Variants in COQ8B observed in about 807,000 individuals in gnomAD.
COQ8B encodes atypical kinase COQ8B, mitochondrial.
A neutral mutation model predicts 62.0 loss-of-function variants in COQ8B; 44 were observed. That is an observed-to-expected ratio of 0.71 (90% CI 0.56 to 0.91). COQ8B has a LOEUF of 0.91. Ranked by LOEUF, COQ8B falls within the 40% of genes least tolerant of loss-of-function variation. COQ8B has a pLI of 0.00. For synonymous variants in COQ8B, 252 were observed against 289.9 expected, an observed-to-expected ratio of 0.87 and a Z score of 1.33; for missense variants, 649 against 731.6, an observed-to-expected ratio of 0.89 and a Z score of 1.30.
chr19:40,696,914 T>G (rs2144686289), intron 12 of COQ8B, among the ~76,000 whole-genome samples: 1 of 152,316 alleles, frequency 6.6e-6, no homozygotes, highest in East Asian at 1.9e-4. Flanking sequence ...AACTTGTGCT[T>G]TTTGCCCAGC....
At chr19:40,696,924 C>T (rs889098440) in intron 12 of COQ8B, among the ~76,000 whole-genome samples, 7 of 152,166 alleles carry the variant, frequency 4.6e-5, no homozygotes, top group African/African-American at 1.4e-4. Context: ...TTTTGCCCAG[C>T]ATGGTTTTGC....
chr19:40,703,649 A>AG lies in COQ8B; in HGVS notation c.718-28dup, dbSNP rs763215885. 11 of 1,613,488 alleles carry AG rather than the reference A, an allele frequency of 6.8e-6. No individual in the cohort carries two copies. In the Admixed American group the frequency reaches 1.8e-4, roughly 27 times the overall value. On this transcript the variant is annotated intron_variant, in intron 8 of 14. Transcript: ENST00000324464. ...TGTAAAGGGAGAAGGGAGGGAGAGA[A>AG]GGTGGGAGTCACTTCTCTGGGCTAG...
rs751773404 is a variant in COQ8B, at chr19:40,714,636, C to T, written c.-3-1G>A. 1.4e-5 allele frequency: 22 copies of T among 1,599,058 alleles called. No homozygotes were observed. Among genetic ancestry groups the T allele is most frequent in the Non-Finnish European group, 1.7e-5 (20 of 1,173,746 alleles). ...GGCCCCCCACCTTCAGCCACATTGC[C>T]TGGAGGAGAAGAGGAGGGATTATTC... On this transcript the variant is annotated splice_acceptor_variant, in intron 1 of 14. Coordinates refer to ENST00000324464, the MANE Select transcript of COQ8B (RefSeq NM_024876.4). LOFTEE classifies it low-confidence loss of function (5UTR_SPLICE).
At chr19:40,712,428 A>AC (rs2082149570) in intron 4 of COQ8B, among the ~76,000 whole-genome samples, 1 of 151,230 alleles carries the variant, frequency 6.6e-6, no homozygotes, top group Admixed American at 6.6e-5. Flanking sequence ...AAAAAAAAAA[A>AC]ACAACAAAAA....
chr19:40,706,641 G>A (rs550266575), intron 5 of COQ8B, among the ~76,000 whole-genome samples: 25 of 152,196 alleles, frequency 1.6e-4, no homozygotes, highest in African/African-American at 6.0e-4. Flanking sequence ...TTTACTTTCT[G>A]TAAAAATGGG....
chr19:40,713,020 G>A (rs557120185), intron 4 of COQ8B, among the ~76,000 whole-genome samples: 56 of 152,134 alleles, frequency 3.7e-4, no homozygotes, highest in Non-Finnish European at 7.2e-4. Context: ...AGCAACATAG[G>A]GAGACCCTAT....
rs184766980 is a variant in COQ8B, at chr19:40,704,733, G to T, written c.576+363C>A. On this transcript the variant is annotated intron_variant, in intron 7 of 14. Coordinates refer to ENST00000324464, the MANE Select transcript of COQ8B (RefSeq NM_024876.4). The stretch of plus-strand genomic sequence containing the variant: ...CGCCGTGCCAACCTATTACAGACAC[G>T]ATCTCCTTTAATTAAAAAAACAGTA... 1.0e-3 allele frequency: 174 copies of T among 174,270 alleles called. 2 individuals carry two copies. The highest frequency in any genetic ancestry group is 2.1e-3 in the South Asian group (15 of 7,062). 10.8% of individuals were successfully genotyped at this position (174,270 alleles called of 1,614,324 possible).
In COQ8B at chr19:40,700,066, C is replaced by A; in HGVS notation, c.1143+1G>T. On this transcript the variant is annotated splice_donor_variant, in intron 12 of 14. Coordinates refer to ENST00000324464, the MANE Select transcript of COQ8B (RefSeq NM_024876.4). LOFTEE classifies it high-confidence loss of function. ...CCAGACACACATCACTAGGAACCAA[C>A]CTGGTGGCTGGAGGCATCATACAGG... 6.2e-7 allele frequency: 1 copy of A among 1,614,084 alleles called. No homozygotes were observed. Among genetic ancestry groups the A allele is most frequent in the South Asian group, 1.1e-5 (1 of 91,084 alleles).
rs1466579400 is a variant in COQ8B at position 40,705,381 on chromosome 19, G to T, written c.434C>A (p.Thr145Asn). 12 of 1,600,362 alleles carry T rather than the reference G, an allele frequency of 7.5e-6. No individual in the cohort carries two copies. The highest frequency in any genetic ancestry group is 1.7e-5 in the Admixed American group (1 of 59,572). Residue 145 changes from threonine to asparagine, a missense_variant, in exon 6 of 15, where the codon ACC becomes AAC. Coordinates refer to ENST00000324464, the MANE Select transcript of COQ8B (RefSeq NM_024876.4). ...SEANAERIVQ[T>N]LCTVRGAALK... ...GGCGGCCCCTCGAACTGTACATAAG[G>T]TCTGCACAATCCGCTCGGCATTGGC...
In COQ8B at chr19:40,700,417, G is replaced by T; in HGVS notation, c.928C>A (p.Pro310Thr). ...LLANDPFFRV[P>T]AVVKELCTTR... is the part of the protein sequence containing the mutation. ...GTGCACAGCTCCTTAACCACGGCTGGGACCCGGAAGAAGGGGTCATTTGCC... is the reference window on the plus strand; with the variant it reads ...GTGCACAGCTCCTTAACCACGGCTGTGACCCGGAAGAAGGGGTCATTTGCC... The change falls in exon 11 of 15, where the codon CCA (proline) becomes ACA (threonine). Residue 310 changes from proline (P) to threonine (T), a missense_variant. Physicochemically the swap from Pro to Thr is conservative, Grantham distance 38 (BLOSUM62 -1). Transcript: ENST00000324464. 6.2e-7 allele frequency: 1 copy of T among 1,614,012 alleles called. No homozygotes were observed. The highest frequency in any genetic ancestry group is 8.5e-7 in the Non-Finnish European group (1 of 1,179,968).
intron 4 of COQ8B, 118 bp downstream of exon 4, chr19:40,713,949 T>C: frequency 1.8e-6 from 2 of 1,120,960 alleles, no homozygotes; most frequent in Non-Finnish European, 2.6e-6. Flanking sequence ...TGCCTTTGTC[T>C]CTCTTTTTTT....
intron 10 of COQ8B, 33 bp downstream of exon 10, chr19:40,702,567 G>A: frequency 1.2e-6 from 2 of 1,608,064 alleles, no homozygotes; most frequent in South Asian, 1.1e-5. Flanking sequence ...CTGGGAGGGA[G>A]GGAAGGAGGG....
rs2144719414 is a variant in COQ8B at position 40,714,061 on chromosome 19, A to G, written c.289+6T>C. ...TCACACCAAGATCCCCCAAAGTCAC[A>G]CCTACCCCCAAAGTTGGCCAAGCGG... is the stretch of plus-strand genomic sequence containing the variant. On this transcript the variant is annotated splice_donor_region_variant and intron_variant, in intron 4 of 14. Coordinates refer to ENST00000324464, the MANE Select transcript of COQ8B (RefSeq NM_024876.4). 1.2e-6 allele frequency: 2 copies of G among 1,613,790 alleles called. No homozygotes were observed. The highest frequency in any genetic ancestry group is 2.2e-5 in the East Asian group (1 of 44,854).
At chr19:40,707,144 C>T (rs965814008) in intron 5 of COQ8B, among the ~76,000 whole-genome samples, 6 of 151,932 alleles carry the variant, frequency 3.9e-5, no homozygotes. Flanking sequence ...TGGTGCATGC[C>T]TATAGTCCCA....
rs148712761 is a variant in COQ8B at position 40,695,989 on chromosome 19, C to T, written c.1209G>A (p.Glu403=). 131 of 1,614,170 alleles carry T rather than the reference C, an allele frequency of 8.1e-5. No individual in the cohort carries two copies. In the African/African-American group the frequency reaches 1.4e-3, roughly 18 times the overall value. The change falls in exon 13 of 15, where the codon GAG becomes GAA. Residue 403 remains glutamate (E), a splice_region_variant and synonymous_variant. Transcript: ENST00000324464. The part of the protein sequence containing the change: ...FGTEFTDHYI[E]VVKAAADGDR... ...GCCCTGGGGTCTGGGGGAGACTCAC[C>T]TCGATGTAATGGTCTGTGAACTCTG...
At chr19:40,705,496 C>T (rs199880212) in intron 5 of COQ8B, 49 bp from the exon 6 acceptor site, 8 of 1,493,020 alleles carry the variant, frequency 5.4e-6, no homozygotes, top group African/African-American at 2.8e-5. Flanking sequence ...ATCATCACTG[C>T]GGCCAGGCCC....
In COQ8B at chr19:40,714,264, G is replaced by A; in HGVS notation, c.222+14C>T. ...ATTCGTGGGGTGTTGCTGGGTGGGT[G>A]GGGGTAATGATACCTGGGGCCGGGG... On this transcript the variant is annotated intron_variant, in intron 3 of 14. Transcript: ENST00000324464. 1 of 1,609,492 alleles carries A rather than the reference G, an allele frequency of 6.2e-7. No individual in the cohort carries two copies. The highest frequency in any genetic ancestry group is 8.5e-7 in the Non-Finnish European group (1 of 1,177,414).
intron 5 of COQ8B, among the ~76,000 whole-genome samples, chr19:40,707,810 C>G (rs951937668): frequency 6.6e-6 from 1 of 152,148 alleles, no homozygotes; most frequent in East Asian, 1.9e-4. Flanking sequence ...CCCTTCATTC[C>G]TTTTTATGGC....
chr19:40,693,894 G>A (rs543691089), intron 13 of COQ8B, among the ~76,000 whole-genome samples: 1 of 152,252 alleles, frequency 6.6e-6, no homozygotes, highest in Non-Finnish European at 1.5e-5. Context: ...CTCACTACTG[G>A]GTTGCCCTTT....
Sources: allele counts gnomAD v4.1 joint callset (sites outside exome capture counted in the v4.1 genomes callset), GRCh38; gene constraint gnomAD v4.1.1; transcripts MANE v1.5; gene names NCBI Gene and HGNC (gene_info 2026-07-23, HGNC 2026-07-21).